SNCAIP: variants seen among roughly 807,000 people sequenced by gnomAD.
SNCAIP encodes synphilin-1.
In SNCAIP, 43 loss-of-function variants were observed where a neutral mutation model predicts 86.7. The ratio of observed to expected loss-of-function variants is 0.50; its 90% CI spans 0.39 to 0.64. The LOEUF is 0.64. SNCAIP is among the 30% of genes least tolerant of loss of function. SNCAIP has a pLI of 0.00. For missense variants in SNCAIP, 981 were observed against 1,103.1 expected, an observed-to-expected ratio of 0.89 and a Z score of 1.57; for synonymous variants, 417 against 427.2, an observed-to-expected ratio of 0.98 and a Z score of 0.29.
rs1781974860 is a variant in SNCAIP, at chr5:122,445,024, G to A, written c.1592+292G>A. The A allele has an allele frequency of 6.8e-6, 3 of 440,658 alleles. No individual in the cohort carries two copies. In the Admixed American group the frequency reaches 1.0e-4, roughly 15 times the overall value. The allele number at this position is 440,658 out of a possible 1,614,324, so 27.3% of individuals were successfully genotyped here. ...AGCCTCTCTCTGTGTTCACAACTCA[G>A]GGCCAGATTACAGAGCGCTGGAAGC... On this transcript the variant is annotated intron_variant, in intron 8 of 10. Coordinates refer to ENST00000261368, the MANE Select transcript of SNCAIP (RefSeq NM_005460.4).
At chr5:122,336,174 AAG>A (rs754249500) in intron 1 of SNCAIP, among the ~76,000 whole-genome samples, 20 of 149,060 alleles carry the variant, frequency 1.3e-4, no homozygotes, top group Admixed American at 2.0e-4. Context: ...ACTGGTTATC[AAG>A]AGAGAGAGAG....
At chr5:122,375,471 CTT>C (rs35995238) in intron 1 of SNCAIP, among the ~76,000 whole-genome samples, 7 of 115,574 alleles carry the variant, frequency 6.1e-5, no homozygotes, top group Admixed American at 8.6e-5. Context: ...TAGATTTTTG[CTT>C]TTTTTTTTTT....
chr5:122,390,926 C>T (rs1410711399), intron 1 of SNCAIP, among the ~76,000 whole-genome samples, 163 bp from the exon 2 acceptor site: 1 of 152,192 alleles, frequency 6.6e-6, no homozygotes, highest in East Asian at 1.9e-4. Context: ...TTTGCTGCTT[C>T]TGGAAAGCCA....
At chr5:122,432,292 T>A (rs1265083502) in intron 6 of SNCAIP, among the ~76,000 whole-genome samples, 1 of 152,114 alleles carries the variant, frequency 6.6e-6, no homozygotes, top group Non-Finnish European at 1.5e-5. Context: ...ATTGGATAAA[T>A]AATGAAGCTG....
chr5:122,352,909 A>G (rs1760169411), intron 1 of SNCAIP, among the ~76,000 whole-genome samples: 1 of 152,170 alleles, frequency 6.6e-6, no homozygotes, highest in Admixed American at 6.5e-5. Context: ...CTTTACCTAG[A>G]ACAGTCCTGG....
chr5:122,443,661 C>A, intron 7 of SNCAIP: 1 of 456,850 alleles, frequency 2.2e-6, no homozygotes, highest in Non-Finnish European at 4.4e-6. Flanking sequence ...CTCTTCTGGG[C>A]TGCAGTGTCA....
Position 122,451,043 on chromosome 5 carries a change from G to T in SNCAIP, c.2196G>T (p.Arg732Ser). 1 of 1,614,146 alleles carries T rather than the reference G, an allele frequency of 6.2e-7. No homozygotes were observed. The change falls in exon 10 of 11, where the codon AGG becomes AGT. Residue 732 changes from arginine to serine, a missense_variant. Transcript: ENST00000261368. ...ACACCTTGGCATCAGGGGGACGCAGGTTTCCTTTCAGCATCAAGGCCTCCA... is the reference window on the plus strand; with the variant it reads ...ACACCTTGGCATCAGGGGGACGCAGTTTTCCTTTCAGCATCAAGGCCTCCA... ...KKHTLASGGR[R>S]FPFSIKASKS...
At chr5:122,449,672 T>C (rs1161138191) in intron 8 of SNCAIP, among the ~76,000 whole-genome samples, 173 bp from the exon 9 acceptor site, 3 of 152,234 alleles carry the variant, frequency 2.0e-5, no homozygotes, top group Non-Finnish European at 4.4e-5. Flanking sequence ...TGGGGTACTT[T>C]TGATTGTTTC....
intron 1 of SNCAIP, among the ~76,000 whole-genome samples, chr5:122,361,725 C>T (rs1762265822): frequency 6.6e-6 from 1 of 151,810 alleles, no homozygotes; most frequent in African/African-American, 2.4e-5. Context: ...ATGATCATTT[C>T]TAGCATGTTT....
intron 1 of SNCAIP, among the ~76,000 whole-genome samples, chr5:122,329,311 C>A (rs536809558): frequency 9.4e-5 from 14 of 149,590 alleles, no homozygotes; most frequent in Non-Finnish European, 1.6e-4. Flanking sequence ...ACAGGGAGTT[C>A]AATCAGGATT....
chr5:122,449,417 C>G (rs1783235886), intron 8 of SNCAIP, among the ~76,000 whole-genome samples: 1 of 151,890 alleles, frequency 6.6e-6, no homozygotes, highest in Admixed American at 6.6e-5. Context: ...TTGTAGTTTC[C>G]TTTTTTATTT....
intron 2 of SNCAIP, among the ~76,000 whole-genome samples, chr5:122,401,583 AC>A (rs1467355906): frequency 6.6e-6 from 1 of 152,164 alleles, no homozygotes; most frequent in African/African-American, 2.4e-5. Context: ...AGATTGCTAT[AC>A]TTTTTATTTC....
At chr5:122,444,919 G>GATGTCTAAAC (rs1484353931) in intron 8 of SNCAIP, 187 bp downstream of exon 8, 8 of 647,292 alleles carry the variant, frequency 1.2e-5, no homozygotes, top group Non-Finnish European at 2.2e-5. Context: ...CATCTCTGCA[G>GATGTCTAAAC]AGGCAAAAGG....
At chr5:122,450,386 A>G in intron 9 of SNCAIP, 147 bp from the exon 10 acceptor site, 1 of 722,142 alleles carries the variant, frequency 1.4e-6, no homozygotes, top group East Asian at 2.5e-5. Flanking sequence ...GAGTATTTGC[A>G]CATTGTTTCG....
chr5:122,417,319 C>T (rs1002677021), intron 3 of SNCAIP, among the ~76,000 whole-genome samples: 1 of 152,118 alleles, frequency 6.6e-6, no homozygotes, highest in Non-Finnish European at 1.5e-5. Flanking sequence ...TATAGTGTTT[C>T]ATAGTGAGTC....
At chr5:122,398,299 A>C (rs1348214756) in intron 2 of SNCAIP, among the ~76,000 whole-genome samples, 1 of 152,100 alleles carries the variant, frequency 6.6e-6, no homozygotes, top group Non-Finnish European at 1.5e-5. Flanking sequence ...AGATGAGAAA[A>C]GAGGAAACCT....
intron 1 of SNCAIP, among the ~76,000 whole-genome samples, chr5:122,334,408 C>G (rs546202096): frequency 6.6e-6 from 1 of 152,244 alleles, no homozygotes; most frequent in Admixed American, 6.5e-5. Flanking sequence ...CATATTGCCT[C>G]TCTCAGATGT....
At chr5:122,344,619 AT>A (rs1758239868) in intron 1 of SNCAIP, among the ~76,000 whole-genome samples, 1 of 152,204 alleles carries the variant, frequency 6.6e-6, no homozygotes, top group Non-Finnish European at 1.5e-5. Flanking sequence ...CTCAAAATAC[AT>A]CAATAAGCAA....
In SNCAIP at chr5:122,440,719, G is replaced by T; in HGVS notation, c.1387G>T (p.Val463Leu). 6.2e-7 allele frequency: 1 copy of T among 1,614,028 alleles called. No homozygotes were observed. The highest frequency in any genetic ancestry group is 8.5e-7 in the Non-Finnish European group (1 of 1,179,900). ...VDQDGNSAVH[V>L]ASQHGYLGCI... ...CCAGGATGGCAACAGTGCCGTTCAC[G>T]TAGCCTCACAGCATGGCTACCTTGG... Residue 463 changes from valine (V) to leucine (L), a missense_variant, in exon 7 of 11, where the codon GTA (valine) becomes TTA (leucine). Transcript: ENST00000261368.
Sources: gnomAD v4.1 joint callset for allele counts (sites outside exome capture counted in the v4.1 genomes callset) on GRCh38, gnomAD v4.1.1 for gene constraint, MANE v1.5 for transcripts, NCBI Gene and HGNC (gene_info 2026-07-23, HGNC 2026-07-21) for gene names.